Variants in MPC1 observed in about 807,000 individuals in gnomAD.
The protein encoded by MPC1 is HSPC040 protein.
MPC1 carries 6 observed loss-of-function variants against 13.9 expected under a neutral mutation model. The observed-to-expected ratio is 0.43, with a 90% CI of 0.24 to 0.85. The LOEUF (loss-of-function observed/expected upper bound fraction) is 0.85. Ranked by LOEUF, MPC1 falls within the 40% of genes least tolerant of loss-of-function variation. MPC1 has a pLI of 0.24. For missense variants in MPC1, 115 were observed against 143.3 expected (o/e 0.80, Z 1.01); for synonymous variants, 47 against 50.5 (o/e 0.93, Z 0.29).
In MPC1 at chr6:166,374,999, C is replaced by T. The variant is rs114874591; in HGVS notation, c.72-4778G>A. ...ACAGAATAACGTGCTGGGATTTTAA[C>T]TTTCACCTATTCACTTAAAAAAAGT... On this transcript the variant is annotated intron_variant, in intron 1 of 4. Transcript: ENST00000360961. 1.6e-3 allele frequency among the ~76,000 whole-genome samples: 242 copies of T among 152,310 alleles called. 1 individual carries two copies. Among genetic ancestry groups the T allele is most frequent in the African/African-American group, 5.4e-3 (226 of 41,566 alleles).
In MPC1 at chr6:166,365,265, G is replaced by A. The variant is rs745362086; in HGVS notation, c.*164C>T. On this transcript the variant is annotated 3_prime_UTR_variant, in exon 5 of 5. Coordinates refer to ENST00000360961, the MANE Select transcript of MPC1 (RefSeq NM_016098.4). The surrounding 1 kb of genome is among the most constrained non-coding windows in gnomAD (Gnocchi z 4.2). Reference sequence around the variant, plus strand: ...AATATTTAATACTTGTAAGGCAGCAGAGAGTTGGTTTAGAAACTCTCAGCT... The same window carrying A: ...AATATTTAATACTTGTAAGGCAGCAAAGAGTTGGTTTAGAAACTCTCAGCT... 1.4e-5 allele frequency: 7 copies of A among 501,660 alleles called. No homozygotes were observed. The highest frequency in any genetic ancestry group is 2.0e-5 in the Non-Finnish European group (6 of 301,104). The allele number at this position is 501,660 out of a possible 1,614,324, so 31.1% of individuals were successfully genotyped here.
Position 166,365,387 on chromosome 6 carries a change from G to A in MPC1, c.*42C>T, listed in dbSNP as rs1300518119. ...GAAATCTGTGACTCAGCAGCAGCTG[G>A]CAATGCTGTCCCTTCAAGACCTTGT... On this transcript the variant is annotated 3_prime_UTR_variant, in exon 5 of 5. Transcript: ENST00000360961. The surrounding 1 kb of genome is among the most constrained non-coding windows in gnomAD (Gnocchi z 4.2). 2.0e-6 allele frequency: 3 copies of A among 1,492,640 alleles called. No individual in the cohort carries two copies. The highest frequency in any genetic ancestry group is 2.5e-5 in the East Asian group (1 of 40,406). 92.5% of individuals were successfully genotyped at this position (1,492,640 alleles called of 1,614,324 possible).
Position 166,382,846 on chromosome 6 carries a change from C to A in MPC1, c.31G>T (p.Asp11Tyr). The A allele has an allele frequency of 6.3e-7, 1 of 1,596,668 alleles. No individual in the cohort carries two copies. The highest frequency in any genetic ancestry group is 8.5e-7 in the Non-Finnish European group (1 of 1,173,394). Residue 11 changes from aspartate (D) to tyrosine (Y), a missense_variant, in exon 1 of 5, where the codon GAC becomes TAC. This residue lies in a region of MPC1 where 41 missense variants were observed against 34.2 expected (regional missense o/e 1.20). Transcript: ENST00000360961. MAGALVRKAADYVRSKDFRDY... is the reference protein window; with the variant it reads MAGALVRKAAYYVRSKDFRDY... The stretch of plus-strand genomic sequence containing the variant: ...CGGAAATCCTTGCTTCGGACATAGT[C>A]CGCCGCTTTCCGCACCAACGCGCCC...
intron 1 of MPC1, among the ~76,000 whole-genome samples, chr6:166,376,874 A>C (rs976056984): frequency 6.6e-6 from 1 of 152,172 alleles, no homozygotes; most frequent in Non-Finnish European, 1.5e-5. Context: ...TCTTGTAGAC[A>C]ATGTATATTG....
At chr6:166,373,044 A>G (rs1779437130) in intron 1 of MPC1, among the ~76,000 whole-genome samples, 1 of 152,190 alleles carries the variant, frequency 6.6e-6, no homozygotes, top group Admixed American at 6.5e-5. Flanking sequence ...ACCAAAGTAC[A>G]GAAACCTTCC....
chr6:166,369,902 T>G (rs1281313408), intron 2 of MPC1: 1 of 475,868 alleles, frequency 2.1e-6, no homozygotes, highest in Non-Finnish European at 3.9e-6. Context: ...CCCACCCTTC[T>G]TTTCCTGCTT....
chr6:166,371,903 TA>T (rs1171311205), intron 1 of MPC1, among the ~76,000 whole-genome samples: 4 of 152,188 alleles, frequency 2.6e-5, no homozygotes, highest in East Asian at 3.8e-4. Context: ...AATACTGTAA[TA>T]TTTTTTTGGA....
At chr6:166,374,317 T>C (rs535100665) in intron 1 of MPC1, among the ~76,000 whole-genome samples, 1 of 152,318 alleles carries the variant, frequency 6.6e-6, no homozygotes, top group Admixed American at 6.5e-5. Flanking sequence ...TAAGAGTTCT[T>C]TGTATATTTT....
At chr6:166,380,463 A>G (rs893237477) in intron 1 of MPC1, among the ~76,000 whole-genome samples, 1 of 152,224 alleles carries the variant, frequency 6.6e-6, no homozygotes, top group Non-Finnish European at 1.5e-5. Flanking sequence ...TAAATACTGG[A>G]GAAAGTATAA....
Position 166,382,839 on chromosome 6 carries a change from A to C in MPC1, c.38T>G (p.Val13Gly), listed in dbSNP as rs1214902997. Residue 13 changes from valine (V) to glycine (G), a missense_variant, in exon 1 of 5, where the codon GTC becomes GGC. Val to Gly is a moderately radical substitution (Grantham distance 109). Coordinates refer to ENST00000360961, the MANE Select transcript of MPC1 (RefSeq NM_016098.4). ...GTAGTCCCGGAAATCCTTGCTTCGG[A>C]CATAGTCCGCCGCTTTCCGCACCAA... ...GALVRKAADY[V>G]RSKDFRDYLM... 1 of 1,597,946 alleles carries C rather than the reference A, an allele frequency of 6.3e-7. No homozygotes were observed. The highest frequency in any genetic ancestry group is 2.3e-5 in the East Asian group (1 of 43,308).
At chr6:166,366,731 G>A in intron 3 of MPC1, 64 bp downstream of exon 3, 1 of 1,488,858 alleles carries the variant, frequency 6.7e-7, no homozygotes, top group Non-Finnish European at 9.4e-7. Context: ...CTACAATCTT[G>A]AAATGCAAGC....
At chr6:166,382,060 G>A (rs1187448366) in intron 1 of MPC1, among the ~76,000 whole-genome samples, 2 of 152,232 alleles carry the variant, frequency 1.3e-5, no homozygotes, top group Non-Finnish European at 2.9e-5. Context: ...GCAGGTGACC[G>A]GCGACCCACT....
chr6:166,373,755 C>T (rs4305699), intron 1 of MPC1, among the ~76,000 whole-genome samples: 121,594 of 152,240 alleles, frequency 0.8, 49,308 homozygotes, highest in East Asian at 0.96. Context: ...CAGCATTTGC[C>T]TTTGTCAGCG....
intron 1 of MPC1, among the ~76,000 whole-genome samples, chr6:166,378,049 C>A (rs764368049): frequency 1.3e-5 from 2 of 152,222 alleles, no homozygotes; most frequent in Non-Finnish European, 2.9e-5. Context: ...TCTGTTTTAG[C>A]TTCACAAGTT....
chr6:166,370,399 A>G (rs1779336595), intron 1 of MPC1, 178 bp from the exon 2 acceptor site: 1 of 551,626 alleles, frequency 1.8e-6, no homozygotes, highest in Admixed American at 3.5e-5. Context: ...AAGATCAAGT[A>G]ATATTATTTC....
chr6:166,381,208 T>C (rs943888020), intron 1 of MPC1, among the ~76,000 whole-genome samples: 1 of 152,200 alleles, frequency 6.6e-6, no homozygotes, highest in Non-Finnish European at 1.5e-5. Context: ...ATCTGATACA[T>C]TGCTGTGCTC....
Position 166,382,788 on chromosome 6 carries a change from G to C in MPC1, c.71+18C>G. 6.3e-7 allele frequency: 1 copy of C among 1,576,308 alleles called. No individual in the cohort carries two copies. The highest frequency in any genetic ancestry group is 8.6e-7 in the Non-Finnish European group (1 of 1,163,536). ...GAGCCCCTCCGGGTTGCGGGGTTCG[G>C]CCTGCGGCGCTCGTCACCTCATGAG... On this transcript the variant is annotated intron_variant, in intron 1 of 4. Transcript: ENST00000360961.
At chr6:166,370,393 T>C in intron 1 of MPC1, 172 bp from the exon 2 acceptor site, 1 of 556,122 alleles carries the variant, frequency 1.8e-6, no homozygotes. Context: ...TTTTAAAAGA[T>C]CAAGTAATAT....
intron 1 of MPC1, among the ~76,000 whole-genome samples, chr6:166,381,545 G>GT (rs1320690963): frequency 6.6e-6 from 1 of 151,890 alleles, no homozygotes; most frequent in Non-Finnish European, 1.5e-5. Context: ...AGCTGTACAC[G>GT]TACCTAGGTT....
Sources: gnomAD v4.1 joint callset for allele counts (sites outside exome capture counted in the v4.1 genomes callset) on GRCh38, gnomAD v4.1.1 for gene constraint, gnomAD v4.1.1 regional missense constraint, Gnocchi (gnomAD v3.1) non-coding constraint, MANE v1.5 for transcripts, NCBI Gene and HGNC (gene_info 2026-07-23, HGNC 2026-07-21) for gene names.